Variants in CIB2 observed in about 807,000 individuals in gnomAD.
CIB2 encodes calcium and integrin binding family member 2.
A neutral mutation model predicts 23.1 loss-of-function variants in CIB2; 19 were observed. That is an observed-to-expected ratio of 0.82 (90% CI 0.57 to 1.21). CIB2 has a LOEUF of 1.21. CIB2 is among the 50% of genes most tolerant of loss of function. The pLI is 0.00. For synonymous variants in CIB2, 94 were observed against 91.7 expected (o/e 1.03, Z -0.14); for missense variants, 220 against 241.5 (o/e 0.91, Z 0.59).
intron 1 of CIB2, among the ~76,000 whole-genome samples, chr15:78,128,199 A>G (rs11072730): frequency 0.78 from 118,538 of 152,062 alleles, 46,140 homozygotes; most frequent in East Asian, 0.87. Flanking sequence ...GGATTGGTGG[A>G]GAGAGAGTCA....
At chr15:78,113,150 T>G (rs562407530) in intron 2 of CIB2, among the ~76,000 whole-genome samples, 7 of 152,080 alleles carry the variant, frequency 4.6e-5, no homozygotes, top group Admixed American at 1.3e-4. Flanking sequence ...CACCAACCAC[T>G]TGGCTCCTCC....
chr15:78,108,660 C>T (rs55833717), intron 4 of CIB2, among the ~76,000 whole-genome samples: 27,646 of 152,208 alleles, frequency 0.18, 2,730 homozygotes, highest in African/African-American at 0.25. Context: ...GGCAGCCTCT[C>T]TGGCTCCTCC....
At chr15:78,113,319 G>A (rs1202343873) in intron 2 of CIB2, among the ~76,000 whole-genome samples, 1 of 152,212 alleles carries the variant, frequency 6.6e-6, no homozygotes, top group African/African-American at 2.4e-5. Flanking sequence ...CAGAGCAGGA[G>A]GGGAAAACCC....
intron 2 of CIB2, among the ~76,000 whole-genome samples, chr15:78,119,078 GC>G (rs778769415): frequency 7.2e-4 from 110 of 152,068 alleles, no homozygotes; most frequent in Admixed American, 2.7e-3. Context: ...TAATTGGGTG[GC>G]TGAGGCAGGA....
intron 1 of CIB2, among the ~76,000 whole-genome samples, chr15:78,129,506 C>T (rs2074425701): frequency 6.6e-6 from 1 of 152,102 alleles, no homozygotes; most frequent in Non-Finnish European, 1.5e-5. Flanking sequence ...TGGAATGCCT[C>T]CTCTGGGCCC....
chr15:78,120,562 T>C (rs2074303523), intron 2 of CIB2: 3 of 985,174 alleles, frequency 3.0e-6, no homozygotes, highest in Non-Finnish European at 3.6e-6. Flanking sequence ...AGTGCTAAGC[T>C]CTTACCTATA....
intron 2 of CIB2, among the ~76,000 whole-genome samples, chr15:78,112,930 T>C (rs2074182206): frequency 6.6e-6 from 1 of 152,230 alleles, no homozygotes; most frequent in Non-Finnish European, 1.5e-5. Flanking sequence ...ACACCAGCTA[T>C]CGTTTAGCAA....
intron 4 of CIB2, 39 bp downstream of exon 4, chr15:78,109,196 C>G: frequency 1.6e-6 from 2 of 1,219,696 alleles, no homozygotes; most frequent in South Asian, 1.3e-5. Flanking sequence ...ACATGTTCCC[C>G]CACCGCATAT....
Position 78,131,291 on chromosome 15 carries a change from C to A in CIB2, c.-76G>T, listed in dbSNP as rs2074452827. On this transcript the variant is annotated 5_prime_UTR_variant, in exon 1 of 6. Coordinates refer to ENST00000258930, the MANE Select transcript of CIB2 (RefSeq NM_006383.4). The surrounding 1 kb of genome is among the most constrained non-coding windows in gnomAD (Gnocchi z 5.8). Reference sequence around the variant, plus strand: ...GGCCGCCAGACCCGGAGCCAGCGCCCCGTGCCCGCGGCCCTCGGCAGCCCC... The same window carrying A: ...GGCCGCCAGACCCGGAGCCAGCGCCACGTGCCCGCGGCCCTCGGCAGCCCC... 3.4e-6 allele frequency: 4 copies of A among 1,173,532 alleles called. No homozygotes were observed. Among genetic ancestry groups the A allele is most frequent in the Non-Finnish European group, 4.3e-6 (4 of 940,630 alleles). The allele number at this position is 1,173,532 out of a possible 1,614,324, so 72.7% of individuals were successfully genotyped here.
At chr15:78,110,326 T>A (rs534569796) in intron 3 of CIB2, among the ~76,000 whole-genome samples, 2 of 152,336 alleles carry the variant, frequency 1.3e-5, no homozygotes, top group East Asian at 3.9e-4. Context: ...TCTCACCTGC[T>A]CCAGCAACCC....
At chr15:78,109,018 G>A (rs1280087180) in intron 4 of CIB2, among the ~76,000 whole-genome samples, 3 of 152,212 alleles carry the variant, frequency 2.0e-5, no homozygotes, top group Non-Finnish European at 4.4e-5. Context: ...TGGGATGGGT[G>A]AGTCCCTCCC....
chr15:78,125,375 A>T (rs1156847650), intron 1 of CIB2, among the ~76,000 whole-genome samples: 1 of 152,126 alleles, frequency 6.6e-6, no homozygotes, highest in East Asian at 1.9e-4. Flanking sequence ...GCAGAACTGG[A>T]AATGGGGAGA....
At position 78,121,787 on chromosome 15, in the gene CIB2, A is replaced by G. The variant is rs2074322739; in HGVS notation, c.86+1918T>C. Among the ~76,000 whole-genome samples, 4 of 152,314 alleles carry G rather than the reference A, an allele frequency of 2.6e-5. No individual in the cohort carries two copies. In the South Asian group the frequency reaches 8.3e-4, roughly 32 times the overall value. ...CTTTATAAATTACCCAGTCTCAGGC[A>G]GTTCTTTATAGCAGCATGAGAATGG... On this transcript the variant is annotated intron_variant, in intron 2 of 5. Transcript: ENST00000258930.
chr15:78,114,228 G>A (rs1227468656), intron 2 of CIB2, among the ~76,000 whole-genome samples: 1 of 152,206 alleles, frequency 6.6e-6, no homozygotes, highest in East Asian at 1.9e-4. Context: ...GCAGGGTTGA[G>A]GAGGTATCCT....
chr15:78,121,623 G>T (rs571743375), intron 2 of CIB2, among the ~76,000 whole-genome samples: 1 of 152,178 alleles, frequency 6.6e-6, no homozygotes, highest in Non-Finnish European at 1.5e-5. Flanking sequence ...TTTATAAGGG[G>T]CTTCTCCCCC....
At chr15:78,111,994 G>A (rs540423644) in intron 2 of CIB2, among the ~76,000 whole-genome samples, 8 of 152,228 alleles carry the variant, frequency 5.3e-5, no homozygotes, top group South Asian at 4.1e-4. Flanking sequence ...GGGGGCCATC[G>A]GGACCCAGGC....
chr15:78,110,671 A>G, intron 3 of CIB2: 1 of 456,190 alleles, frequency 2.2e-6, no homozygotes, highest in Non-Finnish European at 4.4e-6. Flanking sequence ...AACTTGCTCG[A>G]AAAGCAGAAT....
intron 2 of CIB2, among the ~76,000 whole-genome samples, chr15:78,111,878 C>T (rs967867482): frequency 6.6e-6 from 1 of 152,228 alleles, no homozygotes; most frequent in Non-Finnish European, 1.5e-5. Context: ...GTGGCCCCAC[C>T]ACCCCAACTT....
In CIB2 at chr15:78,105,214, G is replaced by A; in HGVS notation, c.*97C>T. The A allele has an allele frequency of 6.6e-7, 1 of 1,522,524 alleles. No homozygotes were observed. The highest frequency in any genetic ancestry group is 1.1e-5 in the South Asian group (1 of 87,182). The allele number at this position is 1,522,524 out of a possible 1,614,324, so 94.3% of individuals were successfully genotyped here. A position where few individuals can be genotyped will look rare whatever the true frequency, so the allele number is the denominator to read the frequency against. On this transcript the variant is annotated 3_prime_UTR_variant, in exon 6 of 6. Coordinates refer to ENST00000258930, the MANE Select transcript of CIB2 (RefSeq NM_006383.4). Reference sequence around the variant, plus strand: ...ATATATTTGTGGTGTAAACCCCAGAGGCTGCCACTGCTTTCCTGGGGAGCT... The same window carrying A: ...ATATATTTGTGGTGTAAACCCCAGAAGCTGCCACTGCTTTCCTGGGGAGCT...
Sources: allele counts gnomAD v4.1 joint callset (sites outside exome capture counted in the v4.1 genomes callset), GRCh38; gene constraint gnomAD v4.1.1; non-coding constraint Gnocchi (gnomAD v3.1); transcripts MANE v1.5; gene names NCBI Gene and HGNC (gene_info 2026-07-23, HGNC 2026-07-21).